ADAMTS9: variants seen among roughly 807,000 people sequenced by gnomAD.
ADAMTS9 encodes ADAM metallopeptidase with thrombospondin type 1 motif 9, also known as A disintegrin and metalloproteinase with thrombospondin motifs 9.
ADAMTS9 carries 107 observed loss-of-function variants against 257.1 expected under a neutral mutation model. The ratio of observed to expected loss-of-function variants is 0.42; its 90% CI spans 0.36 to 0.49. The LOEUF is 0.49. Ranked by LOEUF, ADAMTS9 falls within the 20% of genes least tolerant of loss-of-function variation. The pLI is 0.03. For missense variants in ADAMTS9, 2,353 were observed against 2,469.1 expected (o/e 0.95, Z 1.00); for synonymous variants, 982 against 880.9 (o/e 1.11, Z -2.03).
At chr3:64,590,439 AAAATT>A (rs1169258172) in intron 28 of ADAMTS9, among the ~76,000 whole-genome samples, 1 of 152,214 alleles carries the variant, frequency 6.6e-6, no homozygotes, top group African/African-American at 2.4e-5. Flanking sequence ...CATTGTATAT[AAAATT>A]AAATAACATG....
At chr3:64,607,221 G>C in intron 22 of ADAMTS9, 142 bp from the exon 23 acceptor site, 1 of 986,954 alleles carries the variant, frequency 1.0e-6, no homozygotes, top group Non-Finnish European at 1.5e-6. Flanking sequence ...GGTCGAAGTG[G>C]GCAATCCTGC....
intron 12 of ADAMTS9, among the ~76,000 whole-genome samples, chr3:64,636,256 G>C (rs997566362): frequency 6.6e-6 from 1 of 151,750 alleles, no homozygotes; most frequent in Non-Finnish European, 1.5e-5. Context: ...TAGTATTTTG[G>C]GATTTATTTT....
rs979516854 is a variant in ADAMTS9 at position 64,519,241 on chromosome 3, A to T, written c.*6-2120T>A. On this transcript the variant is annotated intron_variant, in intron 39 of 39. Coordinates refer to ENST00000498707, the MANE Select transcript of ADAMTS9 (RefSeq NM_182920.2). ...TACATTCTTGGGATGTATTTCTCAA[A>T]GGATGAGCTGTGATTCACTTGCATT... Among the ~76,000 whole-genome samples, 4 of 152,314 alleles carry T rather than the reference A, an allele frequency of 2.6e-5. No homozygotes were observed. In the East Asian group the frequency reaches 7.7e-4, roughly 29 times the overall value.
In ADAMTS9 at chr3:64,648,056, A is replaced by G. The variant is rs753146535; in HGVS notation, c.1606-12T>C. 9 of 1,598,472 alleles carry G rather than the reference A, an allele frequency of 5.6e-6. No homozygotes were observed. The highest frequency in any genetic ancestry group is 7.7e-6 in the Non-Finnish European group (9 of 1,173,812). ...CGTCTGCACTGCATCTGCTCAATTC[A>G]ATGAAATGGCAATTGAGTGACAAGT... is the stretch of plus-strand genomic sequence containing the variant. On this transcript the variant is annotated splice_polypyrimidine_tract_variant and intron_variant, in intron 10 of 39. Coordinates refer to ENST00000498707, the MANE Select transcript of ADAMTS9 (RefSeq NM_182920.2).
chr3:64,560,037 C>T (rs1402319365), intron 30 of ADAMTS9, among the ~76,000 whole-genome samples: 2 of 152,158 alleles, frequency 1.3e-5, no homozygotes, highest in African/African-American at 4.8e-5. Context: ...CGTTGCCAAT[C>T]CCCAAACCAT....
In ADAMTS9 at chr3:64,641,867, G is replaced by T. The variant is rs1193053630; in HGVS notation, c.1837C>A (p.Arg613=). The change falls in exon 12 of 40, where the codon CGA becomes AGA. Residue 613 remains arginine (R), a synonymous_variant. Transcript: ENST00000498707. ...TCGGGIKTAI[R]ECNRPEPKNG... ...ACTTACTCTGGTCTGTTGCACTCTC[G>T]AATGGCTGTTTTGATGCCCCCTCCA... is the stretch of plus-strand genomic sequence containing the variant. 14 of 1,613,924 alleles carry T rather than the reference G, an allele frequency of 8.7e-6. No homozygotes were observed. Among genetic ancestry groups the T allele is most frequent in the Non-Finnish European group, 1.2e-5 (14 of 1,180,010 alleles).
intron 28 of ADAMTS9, among the ~76,000 whole-genome samples, chr3:64,572,402 G>A (rs919813021): frequency 1.3e-5 from 2 of 152,156 alleles, no homozygotes; most frequent in East Asian, 3.9e-4. Flanking sequence ...TCTATCGAGG[G>A]CTCTCTCTCA....
chr3:64,662,084 G>A (rs1368132815), intron 3 of ADAMTS9, among the ~76,000 whole-genome samples: 1 of 151,768 alleles, frequency 6.6e-6, no homozygotes. Context: ...TCTAAGCCCT[G>A]CTTTGGCACC....
chr3:64,671,775 T>A (rs2107017041), intron 3 of ADAMTS9, among the ~76,000 whole-genome samples: 1 of 152,348 alleles, frequency 6.6e-6, no homozygotes, highest in Non-Finnish European at 1.5e-5. Context: ...ATTCAGATTA[T>A]TTATTAATGA....
chr3:64,531,109 G>A lies in ADAMTS9; in HGVS notation c.5718+2057C>T, dbSNP rs764656586. ...AATCAATATGACTATTTAGTTAATC[G>A]GATTTGAGGACATTGATTGGCTGAG... is the stretch of plus-strand genomic sequence containing the variant. On this transcript the variant is annotated intron_variant, in intron 38 of 39. Coordinates refer to ENST00000498707, the MANE Select transcript of ADAMTS9 (RefSeq NM_182920.2). 5.3e-5 allele frequency among the ~76,000 whole-genome samples: 8 copies of A among 152,054 alleles called. No homozygotes were observed. The East Asian group carries it at 5.8e-4, about 11-fold the overall frequency.
At chr3:64,563,013 A>G (rs1233223711) in intron 29 of ADAMTS9, 1 of 152,236 alleles carries the variant, frequency 6.6e-6, no homozygotes, top group Admixed American at 6.5e-5. Context: ...CTAGCTGAAC[A>G]GAAGAAAATA....
Position 64,621,212 on chromosome 3 carries a change from G to A in ADAMTS9, c.2715C>T (p.Thr905=). Residue 905 remains threonine (T), a synonymous_variant, in exon 19 of 40, where the codon ACC becomes ACT. Transcript: ENST00000498707. ...QGERKRKLVC[T]RESDQLTVSD... ...AAACAGTAAGCTGATCAGATTCCCT[G>A]GTGCAAACAAGTTTTCGTTTCCGTT... 6.2e-7 allele frequency: 1 copy of A among 1,613,636 alleles called. No individual in the cohort carries two copies. Among genetic ancestry groups the A allele is most frequent in the East Asian group, 2.2e-5 (1 of 44,794 alleles).
intron 14 of ADAMTS9, 93 bp from the exon 15 acceptor site, chr3:64,632,018 A>T (rs1425179413): frequency 4.3e-6 from 4 of 933,488 alleles, no homozygotes. Flanking sequence ...TGCACTAAAA[A>T]TGACAAGAAA....
chr3:64,660,688 A>G (rs747622734), intron 3 of ADAMTS9, among the ~76,000 whole-genome samples: 104 of 152,200 alleles, frequency 6.8e-4, no homozygotes, highest in Non-Finnish European at 1.2e-3. Context: ...TGTTTAAGGA[A>G]TCCTTATTTT....
Position 64,658,594 on chromosome 3 carries a change from G to C in ADAMTS9, c.877C>G (p.Arg293Gly), listed in dbSNP as rs760156653. Residue 293 changes from arginine to glycine, a missense_variant, in exon 4 of 40, where the codon CGG becomes GGG. Around this residue, in one of 3 missense-constraint regions of ADAMTS9, gnomAD observed 591 missense variants for 569.6 expected, o/e 1.04. Coordinates refer to ENST00000498707, the MANE Select transcript of ADAMTS9 (RefSeq NM_182920.2). Reference sequence around the variant, plus strand: ...GCCACCACCAAGACTTCTACAAACCGTGGATAGGATAAAAAACGTTTTGTC... The same window carrying C: ...GCCACCACCAAGACTTCTACAAACCCTGGATAGGATAAAAAACGTTTTGTC... Reference protein sequence around the residue: ...RRTKRFLSYPRFVEVLVVADN... With the variant: ...RRTKRFLSYPGFVEVLVVADN... The C allele has an allele frequency of 6.2e-7, 1 of 1,614,002 alleles. No individual in the cohort carries two copies. Among genetic ancestry groups the C allele is most frequent in the Admixed American group, 1.7e-5 (1 of 60,004 alleles).
chr3:64,610,211 C>T (rs183069829), intron 22 of ADAMTS9, among the ~76,000 whole-genome samples: 27 of 152,314 alleles, frequency 1.8e-4, no homozygotes, highest in Admixed American at 1.2e-3. Context: ...TCGGCAATGA[C>T]TTCCTTGACA....
intron 22 of ADAMTS9, 88 bp downstream of exon 22, chr3:64,613,257 A>G: frequency 1.1e-5 from 16 of 1,503,070 alleles, no homozygotes; most frequent in South Asian, 3.8e-5. Flanking sequence ...CAGCGGTTAA[A>G]TCTCCACCAC....
intron 12 of ADAMTS9, among the ~76,000 whole-genome samples, chr3:64,640,526 A>T (rs1700611439): frequency 6.6e-6 from 1 of 152,146 alleles, no homozygotes; most frequent in South Asian, 2.1e-4. Context: ...GCTATCCGTG[A>T]TCTAAGCTAT....
At chr3:64,578,320 A>G (rs2083908340) in intron 28 of ADAMTS9, among the ~76,000 whole-genome samples, 1 of 151,798 alleles carries the variant, frequency 6.6e-6, no homozygotes, top group Admixed American at 6.6e-5. Flanking sequence ...AAGTACCACT[A>G]TGAAAGGACG....
Sources: gnomAD v4.1 joint callset for allele counts (sites outside exome capture counted in the v4.1 genomes callset) on GRCh38, gnomAD v4.1.1 for gene constraint, gnomAD v4.1.1 regional missense constraint, MANE v1.5 for transcripts, NCBI Gene and HGNC (gene_info 2026-07-23, HGNC 2026-07-21) for gene names.